TXLNG: variants seen among roughly 807,000 people sequenced by gnomAD.
TXLNG encodes gamma-taxilin.
TXLNG carries 5 observed loss-of-function variants against 38.8 expected under a neutral mutation model. The ratio of observed to expected loss-of-function variants is 0.13; its 90% CI spans 0.07 to 0.27. The LOEUF (loss-of-function observed/expected upper bound fraction) is 0.27. TXLNG is among the 10% of genes least tolerant of loss of function. The probability of loss-of-function intolerance (pLI) is 1.00; values close to 1 mark genes in which losing one functional copy is unlikely to be tolerated. For synonymous variants in TXLNG, 182 were observed against 158.2 expected, an observed-to-expected ratio of 1.15 and a Z score of -1.13; for missense variants, 393 against 398.2, an observed-to-expected ratio of 0.99 and a Z score of 0.11.
chrX:16,832,111 G>A (rs904351594), intron 5 of TXLNG, among the ~76,000 whole-genome samples: 8 of 112,281 alleles, frequency 7.1e-5, no homozygotes, highest in African/African-American at 2.6e-4. Flanking sequence ...GGAGGGCACT[G>A]CGCTCCAGCG....
intron 1 of TXLNG, among the ~76,000 whole-genome samples, chrX:16,798,962 C>T (rs1444479512): frequency 1.3e-4 from 14 of 109,991 alleles, no homozygotes; most frequent in African/African-American, 3.6e-4. Context: ...TCACCGCAAC[C>T]GCTGCCTCCT....
rs1929903735 is a variant in TXLNG, at chrX:16,842,776, G to C, written c.*1010G>C. 8.9e-6 allele frequency: 1 copy of C among 112,018 alleles called. No homozygotes were observed. The highest frequency in any genetic ancestry group is 3.2e-5 in the African/African-American group (1 of 30,804). 9.2% of individuals were successfully genotyped at this position (112,018 alleles called of 1,213,427 possible). ...TTATGGATCAGTACCAACCGAAATT[G>C]ATTTTCATTTCCAAAACAAACACTG... On this transcript the variant is annotated 3_prime_UTR_variant, in exon 10 of 10. Transcript: ENST00000380122.
chrX:16,812,771 G>A (rs1439960690), intron 1 of TXLNG, among the ~76,000 whole-genome samples: 6 of 90,630 alleles, frequency 6.6e-5, no homozygotes, highest in African/African-American at 8.5e-5. Flanking sequence ...GTGTGATCTC[G>A]GCTCACCACA....
intron 1 of TXLNG, among the ~76,000 whole-genome samples, chrX:16,801,628 CA>C (rs201105652): frequency 0.045 from 5,043 of 111,817 alleles, 276 homozygotes; most frequent in African/African-American, 0.16. Context: ...TATTTAAAGG[CA>C]ACCTACCTTT....
At chrX:16,819,148 A>G (rs1288278759) in intron 2 of TXLNG, among the ~76,000 whole-genome samples, 1 of 109,991 alleles carries the variant, frequency 9.1e-6, no homozygotes, top group Admixed American at 9.8e-5. Context: ...TGTGTTGCCC[A>G]GGCTGGTCTC....
At chrX:16,804,639 C>A (rs1160328887) in intron 1 of TXLNG, among the ~76,000 whole-genome samples, 1 of 110,131 alleles carries the variant, frequency 9.1e-6, no homozygotes, top group Non-Finnish European at 1.9e-5. Flanking sequence ...ATTTTTAGTT[C>A]TTTAATTGTG....
chrX:16,818,197 T>C (rs899361260), intron 1 of TXLNG, among the ~76,000 whole-genome samples: 1 of 111,063 alleles, frequency 9.0e-6, no homozygotes, highest in African/African-American at 3.3e-5. Context: ...TAGCTAGCCA[T>C]CCCTGCTGTA....
intron 1 of TXLNG, among the ~76,000 whole-genome samples, chrX:16,793,766 T>G (rs1035962940): frequency 9.1e-6 from 1 of 109,727 alleles, no homozygotes; most frequent in Non-Finnish European, 1.9e-5. Context: ...GCCTCAGCCT[T>G]CCTAGTAGCT....
At chrX:16,787,287 G>C (rs1283633209) in intron 1 of TXLNG, among the ~76,000 whole-genome samples, 1 of 112,322 alleles carries the variant, frequency 8.9e-6, no homozygotes, top group Non-Finnish European at 1.9e-5. Context: ...TGGATGGGGA[G>C]GCGATGCTGG....
chrX:16,844,378 G>A lies in TXLNG; in HGVS notation c.*2612G>A, dbSNP rs1409044001. On this transcript the variant is annotated 3_prime_UTR_variant, in exon 10 of 10. Transcript: ENST00000380122. ...ACACTGCTTTATTTTTACAGCCCAC[G>A]TCTTTCATGAGGATACGAATTGTTA... 2 of 112,276 alleles carry A rather than the reference G, an allele frequency of 1.8e-5. No individual in the cohort carries two copies. The highest frequency in any genetic ancestry group is 3.8e-5 in the Non-Finnish European group (2 of 53,270). 9.3% of individuals were successfully genotyped at this position (112,276 alleles called of 1,213,427 possible). A position where few individuals can be genotyped will look rare whatever the true frequency, so the allele number is the denominator to read the frequency against.
chrX:16,840,908 G>A, intron 9 of TXLNG, among the ~76,000 whole-genome samples: 1 of 110,847 alleles, frequency 9.0e-6, no homozygotes, highest in East Asian at 2.9e-4. Flanking sequence ...AATAGGAAAT[G>A]TCTTAAAAAG....
At chrX:16,810,552 AT>A (rs1298718386) in intron 1 of TXLNG, among the ~76,000 whole-genome samples, 1 of 112,315 alleles carries the variant, frequency 8.9e-6, no homozygotes, top group Non-Finnish European at 1.9e-5. Flanking sequence ...AAACAAAAAG[AT>A]TTTGTAGAGC....
At chrX:16,787,087 C>T (rs1451475032) in intron 1 of TXLNG, among the ~76,000 whole-genome samples, 1 of 112,858 alleles carries the variant, frequency 8.9e-6, no homozygotes, top group Admixed American at 9.2e-5. Context: ...TAGGCTGTTG[C>T]GCAGTAAGAT....
At chrX:16,797,513 G>T (rs1927933885) in intron 1 of TXLNG, among the ~76,000 whole-genome samples, 1 of 111,973 alleles carries the variant, frequency 8.9e-6, no homozygotes, top group African/African-American at 3.2e-5. Context: ...CTGTTGGCAG[G>T]ATTCAATTCC....
chrX:16,829,493 T>C, intron 4 of TXLNG, 83 bp from the exon 5 acceptor site: 1 of 944,279 alleles, frequency 1.1e-6, no homozygotes, highest in Non-Finnish European at 1.4e-6. Context: ...CAGCAACAAA[T>C]GAACCCACAT....
rs1433853374 is a variant in TXLNG at position 16,830,772 on chromosome X, T to C, written c.864+1002T>C. Among the ~76,000 whole-genome samples the C allele has an allele frequency of 2.9e-5, 3 of 104,135 alleles. No homozygotes were observed. In the Admixed American group the frequency reaches 3.2e-4, roughly 11 times the overall value. 90.4% of individuals were successfully genotyped at this position (104,135 alleles called of 115,157 possible). A position where few individuals can be genotyped will look rare whatever the true frequency, so the allele number is the denominator to read the frequency against. ...AAAAAAATTATGGAAAATTTCAAGC[T>C]TAACAAAAAGTAGAGAGATAATATA... On this transcript the variant is annotated intron_variant, in intron 5 of 9. Transcript: ENST00000380122.
In TXLNG at chrX:16,843,150, A is replaced by G. The variant is rs759113953; in HGVS notation, c.*1384A>G. On this transcript the variant is annotated 3_prime_UTR_variant, in exon 10 of 10. Coordinates refer to ENST00000380122, the MANE Select transcript of TXLNG (RefSeq NM_018360.3). ...ACTAGAACTGATGTTAGCACATTCCACTGAGCAAAACTATCAGACTGACAC... is the reference window on the plus strand; with the variant it reads ...ACTAGAACTGATGTTAGCACATTCCGCTGAGCAAAACTATCAGACTGACAC... 8.9e-6 allele frequency: 1 copy of G among 112,668 alleles called. No individual in the cohort carries two copies. The highest frequency in any genetic ancestry group is 1.9e-5 in the Non-Finnish European group (1 of 53,370). The allele number at this position is 112,668 out of a possible 1,213,427, so 9.3% of individuals were successfully genotyped here. A position where few individuals can be genotyped will look rare whatever the true frequency, so the allele number is the denominator to read the frequency against.
intron 1 of TXLNG, among the ~76,000 whole-genome samples, chrX:16,805,400 A>G (rs368489506): frequency 2.8e-5 from 3 of 108,790 alleles, no homozygotes; most frequent in South Asian, 8.1e-4. Context: ...ATTCTGCTGT[A>G]TATAATTTCA....
chrX:16,841,716 C>CA lies in TXLNG; in HGVS notation c.1541dup (p.Pro515AlafsTer14). 1 of 1,211,768 alleles carries CA rather than the reference C, an allele frequency of 8.3e-7. No homozygotes were observed. Among genetic ancestry groups the CA allele is most frequent in the Non-Finnish European group, 1.1e-6 (1 of 895,501 alleles). ...GCCCAAGAGTCAGAGAAGCGCTGTGCAAAAGCCCCCGTCCACAGGCTCTGC... is the reference window on the plus strand; with the variant it reads ...GCCCAAGAGTCAGAGAAGCGCTGTGCAAAAAGCCCCCGTCCACAGGCTCTGC... On this transcript the variant is annotated frameshift_variant, in exon 10 of 10. Coordinates refer to ENST00000380122, the MANE Select transcript of TXLNG (RefSeq NM_018360.3). LOFTEE classifies it low-confidence loss of function (END_TRUNC).
Sources: gnomAD v4.1 joint callset for allele counts (sites outside exome capture counted in the v4.1 genomes callset) on GRCh38, gnomAD v4.1.1 for gene constraint, MANE v1.5 for transcripts, NCBI Gene and HGNC (gene_info 2026-07-23, HGNC 2026-07-21) for gene names.